The following GPC6 variants were observed in gnomAD, a reference collection of about 807,000 sequenced individuals.
GPC6 encodes the protein glypican 6, also known as glypican-6.
In GPC6, 14 loss-of-function variants were observed where a neutral mutation model predicts 55.2. That is an observed-to-expected ratio of 0.25 (90% CI 0.17 to 0.40). The LOEUF (loss-of-function observed/expected upper bound fraction) is 0.40. GPC6 is among the 10% of genes least tolerant of loss of function. The pLI, the probability that GPC6 is intolerant of heterozygous loss-of-function variation, is 1.00. For synonymous variants in GPC6, 278 were observed against 259.6 expected (o/e 1.07, Z -0.68); for missense variants, 641 against 708.5 (o/e 0.90, Z 1.08).
chr13:93,708,207 A>T (rs1184701049), intron 2 of GPC6, among the ~76,000 whole-genome samples: 6 of 151,842 alleles, frequency 4.0e-5, no homozygotes, highest in Non-Finnish European at 1.5e-5. Context: ...TTGTATGTGT[A>T]CATAAAATAT....
rs1555336140 is a variant in GPC6, at chr13:93,231,389, A to ATATATG, written c.160+3778_160+3779insGTATAT. On this transcript the variant is annotated intron_variant, in intron 1 of 8. Coordinates refer to ENST00000377047, the MANE Select transcript of GPC6 (RefSeq NM_005708.5). ...TATATATATATATATACATATATAT[A>ATATATG]TATATATGTATATATATATATATAT... Among the ~76,000 whole-genome samples, 32 of 20,880 alleles carry ATATATG rather than the reference A, an allele frequency of 1.5e-3. 1 individual carries two copies. The highest frequency in any genetic ancestry group is 0.012 in the East Asian group (8 of 648). 13.7% of individuals were successfully genotyped at this position (20,880 alleles called of 152,430 possible).
chr13:93,802,740 A>G (rs1261967312), intron 2 of GPC6, among the ~76,000 whole-genome samples: 1 of 152,160 alleles, frequency 6.6e-6, no homozygotes, highest in Non-Finnish European at 1.5e-5. Flanking sequence ...GATGGCATGA[A>G]AAATGGTATG....
intron 1 of GPC6, among the ~76,000 whole-genome samples, chr13:93,503,131 A>T (rs1880582823): frequency 6.6e-6 from 1 of 152,088 alleles, no homozygotes; most frequent in Non-Finnish European, 1.5e-5. Flanking sequence ...TGTATCATTT[A>T]GGACTACTAG....
intron 2 of GPC6, among the ~76,000 whole-genome samples, chr13:93,715,262 G>A (rs191416516): frequency 1.6e-4 from 24 of 151,786 alleles, no homozygotes; most frequent in South Asian, 8.3e-4. Context: ...CATATTCACC[G>A]TGGAATACTA....
At chr13:94,133,564 G>C (rs993537528) in intron 4 of GPC6, among the ~76,000 whole-genome samples, 1 of 152,116 alleles carries the variant, frequency 6.6e-6, no homozygotes, top group African/African-American at 2.4e-5. Flanking sequence ...GTAAATAAGA[G>C]CACTGAGAAA....
At chr13:93,558,753 CT>C (rs1875605875) in intron 2 of GPC6, among the ~76,000 whole-genome samples, 1 of 152,122 alleles carries the variant, frequency 6.6e-6, no homozygotes, top group Non-Finnish European at 1.5e-5. Flanking sequence ...ATTTAAATCC[CT>C]GTTGAACAAC....
chr13:94,244,765 C>A (rs528622551), intron 4 of GPC6, among the ~76,000 whole-genome samples: 1 of 151,908 alleles, frequency 6.6e-6, no homozygotes, highest in African/African-American at 2.4e-5. Context: ...GAAATTTTAC[C>A]CTTTTGCTGA....
At chr13:93,217,903 T>C in the GPC6 span, among the ~76,000 whole-genome samples, 3 of 152,200 alleles carry the variant, frequency 2.0e-5, no homozygotes, top group Non-Finnish European at 4.4e-5. Context: ...AGCCCAAAGA[T>C]GTTTTTTTTG....
intron 4 of GPC6, among the ~76,000 whole-genome samples, chr13:94,091,862 G>A (rs981898589): frequency 6.6e-6 from 1 of 151,226 alleles, no homozygotes; most frequent in Non-Finnish European, 1.5e-5. Context: ...GGTAACTGGT[G>A]AAGAAAAACT....
In GPC6 at chr13:93,736,448, T is replaced by G. The variant is rs148808694; in HGVS notation, c.320-93706T>G. Among the ~76,000 whole-genome samples, 703 of 152,326 alleles carry G rather than the reference T, an allele frequency of 4.6e-3. 14 individuals carry two copies. The highest frequency in any genetic ancestry group is 0.014 in the South Asian group (70 of 4,828). On this transcript the variant is annotated intron_variant, in intron 2 of 8. Coordinates refer to ENST00000377047, the MANE Select transcript of GPC6 (RefSeq NM_005708.5). ...AGTTCAAGAGAATGCATGCCACTTCTCTTTAATGATAATGATGAATAGAAT... is the reference window on the plus strand; with the variant it reads ...AGTTCAAGAGAATGCATGCCACTTCGCTTTAATGATAATGATGAATAGAAT...
chr13:93,313,208 T>C (rs1288308532), intron 1 of GPC6, among the ~76,000 whole-genome samples: 1 of 152,098 alleles, frequency 6.6e-6, no homozygotes, highest in East Asian at 1.9e-4. Context: ...AGCCTCAGAA[T>C]AAAAACAACT....
intron 1 of GPC6, among the ~76,000 whole-genome samples, chr13:93,304,887 A>G (rs966023102): frequency 2.0e-5 from 3 of 152,146 alleles, no homozygotes; most frequent in African/African-American, 7.2e-5. Flanking sequence ...TTGTCTATAC[A>G]AGTATGTTTG....
intron 2 of GPC6, among the ~76,000 whole-genome samples, chr13:93,715,177 G>A (rs1322864128): frequency 2.0e-5 from 3 of 151,440 alleles, no homozygotes; most frequent in Admixed American, 6.6e-5. Flanking sequence ...TCATCACAGC[G>A]CTATTCACAA....
chr13:94,176,023 TCAC>T (rs966585198), intron 4 of GPC6, among the ~76,000 whole-genome samples: 2 of 149,738 alleles, frequency 1.3e-5, no homozygotes, highest in African/African-American at 4.9e-5. Context: ...ATTTTTTAAT[TCAC>T]CACTTTTAAA....
intron 1 of GPC6, among the ~76,000 whole-genome samples, chr13:93,433,001 C>T (rs1315827962): frequency 6.6e-6 from 1 of 151,896 alleles, no homozygotes; most frequent in Non-Finnish European, 1.5e-5. Flanking sequence ...AAAAGAAAGA[C>T]TCTCAGAGCT....
chr13:93,282,031 T>G (rs561187843), intron 1 of GPC6, among the ~76,000 whole-genome samples: 1 of 152,238 alleles, frequency 6.6e-6, no homozygotes, highest in Non-Finnish European at 1.5e-5. Flanking sequence ...ATATGTGTAC[T>G]GATAAAGCCA....
intron 2 of GPC6, among the ~76,000 whole-genome samples, chr13:93,805,380 T>C (rs1180295734): frequency 2.0e-5 from 3 of 152,162 alleles, no homozygotes; most frequent in African/African-American, 7.2e-5. Context: ...TTCAGTTAAG[T>C]AAATTAATCA....
chr13:94,185,833 G>A (rs943526180), intron 4 of GPC6, among the ~76,000 whole-genome samples: 1 of 151,798 alleles, frequency 6.6e-6, no homozygotes, highest in East Asian at 1.9e-4. Context: ...GGCTGAGGTG[G>A]GCGGATCACG....
chr13:93,619,038 T>C (rs1404703412), intron 2 of GPC6, among the ~76,000 whole-genome samples: 6 of 152,152 alleles, frequency 3.9e-5, no homozygotes, highest in Non-Finnish European at 7.4e-5. Context: ...CTGTGGTAAA[T>C]ATTTGTGTAT....
Sources: allele counts gnomAD v4.1 joint callset (sites outside exome capture counted in the v4.1 genomes callset), GRCh38; gene constraint gnomAD v4.1.1; transcripts MANE v1.5; gene names NCBI Gene and HGNC (gene_info 2026-07-23, HGNC 2026-07-21).